Variants in USP28 observed in about 807,000 individuals in gnomAD.
The protein encoded by USP28 is ubiquitin carboxyl-terminal hydrolase 28.
Under a neutral mutation model 145.0 loss-of-function variants are expected in USP28, and 113 were observed. The ratio of observed to expected loss-of-function variants is 0.78; its 90% CI spans 0.67 to 0.91. The LOEUF (loss-of-function observed/expected upper bound fraction) is 0.91. Among genes scored for constraint, USP28 ranks in the 40% least tolerant of loss-of-function variants. The probability of loss-of-function intolerance (pLI) is 0.00; values close to 1 mark genes in which losing one functional copy is unlikely to be tolerated. For synonymous variants in USP28, 447 were observed against 450.9 expected, an observed-to-expected ratio of 0.99 and a Z score of 0.11; for missense variants, 1,201 against 1,289.6, an observed-to-expected ratio of 0.93 and a Z score of 1.05.
At chr11:113,840,848 T>C (rs1432579438) in intron 4 of USP28, 91 bp from the exon 5 acceptor site, 3 of 1,427,792 alleles carry the variant, frequency 2.1e-6, no homozygotes, top group Middle Eastern at 1.9e-4. Flanking sequence ...CGTGGATAAT[T>C]CAAAACACCA....
chr11:113,826,470 C>G (rs920803895), intron 11 of USP28, among the ~76,000 whole-genome samples: 1 of 148,744 alleles, frequency 6.7e-6, no homozygotes, highest in Non-Finnish European at 1.5e-5. Context: ...CCACTACACC[C>G]AGCTAATTTT....
intron 4 of USP28, 28 bp from the exon 5 acceptor site, chr11:113,840,785 A>G (rs750125918): frequency 1.3e-6 from 2 of 1,590,984 alleles, no homozygotes; most frequent in Admixed American, 3.6e-5. Flanking sequence ...CCACACAGCA[A>G]AAAAGAAAAT....
rs994647146 is a variant in USP28, at chr11:113,831,077, G to A, written c.834-134C>T. The A allele has an allele frequency of 1.4e-5, 11 of 763,302 alleles. No homozygotes were observed. The Admixed American group carries it at 1.7e-4, about 12-fold the overall frequency. The allele number at this position is 763,302 out of a possible 1,614,324, so 47.3% of individuals were successfully genotyped here. A position where few individuals can be genotyped will look rare whatever the true frequency, so the allele number is the denominator to read the frequency against. The stretch of plus-strand genomic sequence containing the variant: ...AAAGAGCCAGGTATGATCTAAATAA[G>A]TAACAATTAGTTCAGTTCAAATATT... On this transcript the variant is annotated intron_variant, in intron 8 of 24. Transcript: ENST00000003302.
At chr11:113,833,241 TCA>T (rs769124805) in intron 7 of USP28, among the ~76,000 whole-genome samples, 177 bp downstream of exon 7, 1 of 152,132 alleles carries the variant, frequency 6.6e-6, no homozygotes, top group East Asian at 1.9e-4. Context: ...GCACACTCTC[TCA>T]CACACACATG....
At chr11:113,847,289 A>C (rs1248548456) in intron 3 of USP28, among the ~76,000 whole-genome samples, 3 of 152,180 alleles carry the variant, frequency 2.0e-5, no homozygotes, top group African/African-American at 7.2e-5. Flanking sequence ...CCGATGACAC[A>C]GTCATGCCAG....
chr11:113,856,331 G>A (rs1002151474), intron 1 of USP28, among the ~76,000 whole-genome samples: 13 of 152,076 alleles, frequency 8.5e-5, no homozygotes, highest in South Asian at 2.1e-4. Context: ...CCAAACTAGC[G>A]TCAAGAAGGT....
intron 5 of USP28, chr11:113,835,430 C>T: frequency 2.2e-6 from 1 of 448,874 alleles, no homozygotes; most frequent in South Asian, 1.6e-5. Flanking sequence ...CCAAAGAATC[C>T]AAGTGTCGGT....
chr11:113,800,165 C>G (rs1237435194), intron 24 of USP28, among the ~76,000 whole-genome samples: 3 of 152,048 alleles, frequency 2.0e-5, no homozygotes, highest in African/African-American at 7.2e-5. Flanking sequence ...GCCACCACAC[C>G]CGGCTAATTT....
intron 1 of USP28, among the ~76,000 whole-genome samples, chr11:113,863,249 A>C (rs575455343): frequency 2.0e-5 from 3 of 152,178 alleles, no homozygotes; most frequent in Admixed American, 6.5e-5. Context: ...AGAAATCAAA[A>C]AGGAAATTAA....
chr11:113,854,082 T>TCTCC (rs1177062695), intron 2 of USP28, among the ~76,000 whole-genome samples, 176 bp downstream of exon 2: 6 of 151,996 alleles, frequency 3.9e-5, no homozygotes, highest in African/African-American at 1.5e-4. Context: ...GAACCACAAA[T>TCTCC]CTCCCCCAGC....
intron 1 of USP28, among the ~76,000 whole-genome samples, chr11:113,862,679 G>C (rs894034427): frequency 2.0e-5 from 3 of 152,096 alleles, no homozygotes; most frequent in African/African-American, 7.2e-5. Flanking sequence ...AAGAGAGAAA[G>C]CTTAGTCATA....
intron 17 of USP28, 49 bp downstream of exon 17, chr11:113,809,014 A>G (rs903585646): frequency 5.7e-6 from 9 of 1,579,088 alleles, no homozygotes; most frequent in Non-Finnish European, 6.0e-6. Flanking sequence ...CTAGGGGAGT[A>G]CAGCATGAGA....
chr11:113,805,945 T>G (rs1205030604), intron 19 of USP28, among the ~76,000 whole-genome samples: 1 of 152,110 alleles, frequency 6.6e-6, no homozygotes, highest in Admixed American at 6.5e-5. Context: ...TTTTATTTTT[T>G]GGAGACAGGG....
At chr11:113,871,258 T>A (rs1474044429) in intron 1 of USP28, among the ~76,000 whole-genome samples, 1 of 152,114 alleles carries the variant, frequency 6.6e-6, no homozygotes, top group East Asian at 1.9e-4. Flanking sequence ...GTCTAAATCC[T>A]AGGGGATGTG....
intron 3 of USP28, among the ~76,000 whole-genome samples, chr11:113,844,528 C>T (rs189902121): frequency 3.9e-4 from 60 of 152,096 alleles, no homozygotes; most frequent in Admixed American, 1.1e-3. Flanking sequence ...GATCTACACA[C>T]AGAACATACA....
intron 1 of USP28, among the ~76,000 whole-genome samples, chr11:113,867,645 T>C (rs1423157661): frequency 6.6e-6 from 1 of 151,988 alleles, no homozygotes; most frequent in Non-Finnish European, 1.5e-5. Flanking sequence ...GAATGATCAC[T>C]TGTGCCCAGG....
At chr11:113,804,879 G>C in exon 20 of USP28, 1 of 1,614,118 alleles carries the variant, frequency 6.2e-7, no homozygotes, top group Non-Finnish European at 8.5e-7. Flanking sequence ...TTTCATCATA[G>C]CTAAGATTTT....
chr11:113,815,685 A>T (rs866033230), intron 13 of USP28, among the ~76,000 whole-genome samples: 39 of 152,246 alleles, frequency 2.6e-4, no homozygotes, highest in African/African-American at 8.4e-4. Context: ...CAGATCGGCC[A>T]GTCTTTAGCT....
At chr11:113,801,676 C>A in exon 24 of USP28, 1 of 1,562,236 alleles carries the variant, frequency 6.4e-7, no homozygotes, top group South Asian at 1.2e-5. Flanking sequence ...TGGCATTCAG[C>A]TCCTACAGAT....
Sources: gnomAD v4.1 joint callset for allele counts (sites outside exome capture counted in the v4.1 genomes callset) on GRCh38, gnomAD v4.1.1 for gene constraint, MANE v1.5 for transcripts, NCBI Gene and HGNC (gene_info 2026-07-23, HGNC 2026-07-21) for gene names.